The following COL5A1 variants were observed in gnomAD, a reference collection of about 807,000 sequenced individuals.
COL5A1 encodes the protein collagen alpha-1(V) chain.
Under a neutral mutation model 263.7 loss-of-function variants are expected in COL5A1, and 16 were observed. That is an observed-to-expected ratio of 0.06 (90% CI 0.04 to 0.09). COL5A1 has a LOEUF of 0.09. COL5A1 is among the 10% of genes least tolerant of loss of function. The pLI is 1.00. For missense variants in COL5A1, 2,036 were observed against 2,540.5 expected (o/e 0.80, Z 4.27); for synonymous variants, 1,012 against 1,004.5 (o/e 1.01, Z -0.14).
At chr9:134,809,124 G>A in intron 42 of COL5A1, 59 bp from the exon 43 acceptor site, 1 of 1,383,116 alleles carries the variant, frequency 7.2e-7, no homozygotes, top group Non-Finnish European at 1.0e-6. Context: ...TAATGAGCTG[G>A]TGGGGGGATG....
At chr9:134,770,975 G>A (rs922448415) in intron 25 of COL5A1, among the ~76,000 whole-genome samples, 12 of 152,236 alleles carry the variant, frequency 7.9e-5, no homozygotes, top group African/African-American at 2.9e-4. Context: ...AAAGGAATTT[G>A]GCCTGGATGG....
chr9:134,834,740 G>C (rs376127732), intron 64 of COL5A1, among the ~76,000 whole-genome samples: 1 of 151,542 alleles, frequency 6.6e-6, no homozygotes, highest in Non-Finnish European at 1.5e-5. Flanking sequence ...AGAGAAGTGG[G>C]TGGATTATTT....
intron 61 of COL5A1, 132 bp downstream of exon 61, chr9:134,823,601 C>G: frequency 1.1e-6 from 1 of 932,330 alleles, no homozygotes; most frequent in Non-Finnish European, 1.7e-6. Context: ...GGGCCTTGTC[C>G]CTCGCACGCA....
chr9:134,675,628 G>A (rs1408026368), intron 1 of COL5A1, among the ~76,000 whole-genome samples: 3 of 152,176 alleles, frequency 2.0e-5, no homozygotes, highest in African/African-American at 4.8e-5. Flanking sequence ...TTTTGAGCAC[G>A]GTTTGTTGGG....
intron 65 of COL5A1, among the ~76,000 whole-genome samples, chr9:134,838,890 G>A (rs1032026126): frequency 6.6e-6 from 1 of 152,258 alleles, no homozygotes; most frequent in African/African-American, 2.4e-5. Flanking sequence ...GAGCTGGGGT[G>A]CGGGGCGGCC....
rs542040108 is a variant in COL5A1, at chr9:134,818,430, G to A, written c.4231-226G>A. Among the ~76,000 whole-genome samples, 5 of 152,290 alleles carry A rather than the reference G, an allele frequency of 3.3e-5. No homozygotes were observed. The highest frequency in any genetic ancestry group is 1.9e-4 in the East Asian group (1 of 5,174). On this transcript the variant is annotated intron_variant, in intron 54 of 65. Transcript: ENST00000371817. This position sits in a 1 kb window ranked among gnomAD's most constrained non-coding sequence, Gnocchi z 6.0. ...CTGTGACACCCGGTCTGTGGTCGGC[G>A]CAGTCAGCGGAGACGGGATCCCTGC...
At chr9:134,835,302 G>C in intron 65 of COL5A1, 98 bp downstream of exon 65, 2 of 1,045,924 alleles carry the variant, frequency 1.9e-6, no homozygotes, top group Non-Finnish European at 2.8e-6. Flanking sequence ...ATGCCTGCCA[G>C]AGGGCAGTGA....
At chr9:134,830,412 G>C (rs1839562098) in intron 64 of COL5A1, 1 of 589,854 alleles carries the variant, frequency 1.7e-6, no homozygotes, top group Non-Finnish European at 3.0e-6. Context: ...TTCTGTGTAG[G>C]GCGCGCAGAG....
intron 2 of COL5A1, among the ~76,000 whole-genome samples, chr9:134,699,479 C>T (rs1238897017): frequency 6.6e-6 from 1 of 151,396 alleles, no homozygotes; most frequent in Admixed American, 6.6e-5. Flanking sequence ...CTCCCTCCCC[C>T]TCCCTCCCTC....
chr9:134,834,435 G>A (rs1049978605), intron 64 of COL5A1, among the ~76,000 whole-genome samples: 1 of 152,206 alleles, frequency 6.6e-6, no homozygotes. Flanking sequence ...GAGAGCAGCT[G>A]CAGCTGGCAC....
intron 1 of COL5A1, among the ~76,000 whole-genome samples, chr9:134,654,604 G>A (rs1181202519): frequency 2.3e-5 from 3 of 131,514 alleles, no homozygotes; most frequent in African/African-American, 8.7e-5. Context: ...GGAGTGTGTA[G>A]GGCTGAGGGT....
intron 2 of COL5A1, among the ~76,000 whole-genome samples, chr9:134,691,310 G>A (rs905227821): frequency 6.6e-6 from 1 of 152,196 alleles, no homozygotes; most frequent in African/African-American, 2.4e-5. Flanking sequence ...CTGGATGTGG[G>A]TGGGTGGGTG....
chr9:134,666,329 G>A (rs1832354519), intron 1 of COL5A1, among the ~76,000 whole-genome samples: 1 of 152,196 alleles, frequency 6.6e-6, no homozygotes, highest in Non-Finnish European at 1.5e-5. Flanking sequence ...CAGAGAAACT[G>A]GCACGGGGTC....
At chr9:134,722,131 TG>T (rs139570440) in intron 4 of COL5A1, among the ~76,000 whole-genome samples, 7,982 of 152,164 alleles carry the variant, frequency 0.052, 255 homozygotes, top group Middle Eastern at 0.082. Context: ...GAGGATTTGG[TG>T]GGGAAATGAT....
chr9:134,710,861 T>G (rs1834015038), intron 4 of COL5A1, among the ~76,000 whole-genome samples: 1 of 119,088 alleles, frequency 8.4e-6, no homozygotes, highest in East Asian at 2.8e-4. Context: ...AGGGGCCCCA[T>G]TTAGTGCAGT....
chr9:134,695,470 C>CTG (rs1251588519), intron 2 of COL5A1, among the ~76,000 whole-genome samples: 5 of 152,168 alleles, frequency 3.3e-5, no homozygotes, highest in African/African-American at 9.6e-5. Flanking sequence ...GCAGGGACGG[C>CTG]CGAACAGGGT....
intron 11 of COL5A1, among the ~76,000 whole-genome samples, chr9:134,749,196 C>T (rs1835685468): frequency 6.6e-6 from 1 of 152,180 alleles, no homozygotes; most frequent in South Asian, 2.1e-4. Context: ...GATCATGCCA[C>T]TGCACTCCAG....
At position 134,663,854 on chromosome 9, in the gene COL5A1, C is replaced by G. The variant is rs971912167; in HGVS notation, c.109+21558C>G. 2.6e-5 allele frequency among the ~76,000 whole-genome samples: 4 copies of G among 152,326 alleles called. No individual in the cohort carries two copies. In the East Asian group the frequency reaches 7.7e-4, roughly 29 times the overall value. On this transcript the variant is annotated intron_variant, in intron 1 of 65. Transcript: ENST00000371817. ...CGCCTATTGGATATTGGGGTGGCTCCCCCTTTTTGATACTGCAAGGGCAGG... is the reference window on the plus strand; with the variant it reads ...CGCCTATTGGATATTGGGGTGGCTCGCCCTTTTTGATACTGCAAGGGCAGG...
intron 1 of COL5A1, among the ~76,000 whole-genome samples, chr9:134,689,769 C>G (rs563586716): frequency 3.3e-5 from 5 of 152,346 alleles, no homozygotes; most frequent in African/African-American, 1.2e-4. Context: ...CACGGCCAAC[C>G]CCGTCCACAT....
Sources: allele counts gnomAD v4.1 joint callset (sites outside exome capture counted in the v4.1 genomes callset), GRCh38; gene constraint gnomAD v4.1.1; non-coding constraint Gnocchi (gnomAD v3.1); transcripts MANE v1.5; gene names NCBI Gene and HGNC (gene_info 2026-07-23, HGNC 2026-07-21).